CHEK1: variants seen among roughly 807,000 people sequenced by gnomAD.
CHEK1 encodes serine/threonine-protein kinase Chk1.
Under a neutral mutation model 60.2 loss-of-function variants are expected in CHEK1, and 32 were observed. The ratio of observed to expected loss-of-function variants is 0.53; its 90% confidence interval spans 0.40 to 0.71. The LOEUF is 0.71. CHEK1 is among the 30% of genes least tolerant of loss of function. CHEK1 has a pLI of 0.00. For synonymous variants in CHEK1, 179 were observed against 187.2 expected (o/e 0.96, Z 0.36); for missense variants, 399 against 564.6 (o/e 0.71, Z 2.97).
At chr11:125,679,884 A>G (rs1942715796), downstream of CHEK1, among the ~76,000 whole-genome samples, 1 of 152,228 alleles carries the variant, frequency 6.6e-6, no homozygotes, top group South Asian at 2.1e-4. Context: ...TATTTTTTAA[A>G]CTTATTACAT....
intron 8 of CHEK1, among the ~76,000 whole-genome samples, chr11:125,639,613 CCCCCTG>C (rs1941207208): frequency 6.6e-6 from 1 of 152,008 alleles, no homozygotes; most frequent in Non-Finnish European, 1.5e-5. Context: ...CTCAAGTGAT[CCCCCTG>C]CCTCAGCCTC....
At chr11:125,662,597 TGTG>T (rs770903257) in intron 13 of CHEK1, among the ~76,000 whole-genome samples, 5 of 152,384 alleles carry the variant, frequency 3.3e-5, no homozygotes, top group Admixed American at 6.5e-5. Flanking sequence ...TTTATTGCTA[TGTG>T]GTATCCACGG....
rs953527278 is a variant in CHEK1 at position 125,675,050 on chromosome 11, C to T, written c.*28-878C>T. On this transcript the variant is annotated intron_variant, in intron 13 of 13. Coordinates refer to the CHEK1 transcript ENST00000428830. ...TATCTCTTTAATCTTGACTGCACAT[C>T]GGAATTGTCTAGGAGCCTTTAAAAA... 1.2e-4 allele frequency among the ~76,000 whole-genome samples: 18 copies of T among 152,318 alleles called. No homozygotes were observed. The East Asian group carries it at 2.9e-3, about 25-fold the overall frequency.
chr11:125,631,570 C>T (rs566696955), intron 5 of CHEK1, among the ~76,000 whole-genome samples: 1 of 151,988 alleles, frequency 6.6e-6, no homozygotes, highest in African/African-American at 2.4e-5. Flanking sequence ...TATTTAACTA[C>T]TGAAAAGATA....
chr11:125,639,499 C>T (rs1941201654), intron 8 of CHEK1, among the ~76,000 whole-genome samples: 1 of 150,586 alleles, frequency 6.6e-6, no homozygotes, highest in South Asian at 2.1e-4. Flanking sequence ...GCCTTAGCCA[C>T]CCGAGTAGCT....
At chr11:125,640,956 A>C (rs1388426186) in intron 8 of CHEK1, among the ~76,000 whole-genome samples, 1 of 152,076 alleles carries the variant, frequency 6.6e-6, no homozygotes, top group Non-Finnish European at 1.5e-5. Flanking sequence ...TGCTGTTCTG[A>C]GTAGCATAAT....
downstream of CHEK1, among the ~76,000 whole-genome samples, chr11:125,659,067 A>AT (rs373233550): frequency 4.4e-4 from 67 of 151,814 alleles, no homozygotes; most frequent in African/African-American, 1.5e-3. Context: ...ATTAGGTTTC[A>AT]TTTTTTTCCT....
chr11:125,671,607 C>A (rs1271060008), intron 13 of CHEK1: 1 of 152,096 alleles, frequency 6.6e-6, no homozygotes, highest in African/African-American at 2.4e-5. Flanking sequence ...TTCTTAGAAC[C>A]ATTCTGGCTA....
intron 8 of CHEK1, among the ~76,000 whole-genome samples, chr11:125,642,080 C>CT (rs1456079290): frequency 6.6e-6 from 1 of 152,168 alleles, no homozygotes; most frequent in East Asian, 1.9e-4. Context: ...TTCTACCTCA[C>CT]TGTTTTTGTA....
At chr11:125,646,654 T>G (rs1009019814) in intron 11 of CHEK1, among the ~76,000 whole-genome samples, 2 of 152,208 alleles carry the variant, frequency 1.3e-5, no homozygotes, top group African/African-American at 4.8e-5. Flanking sequence ...CCCTTTTTGC[T>G]ATGGCCATCC....
intron 13 of CHEK1, among the ~76,000 whole-genome samples, chr11:125,664,512 G>A (rs951262841): frequency 6.6e-6 from 1 of 152,076 alleles, no homozygotes; most frequent in African/African-American, 2.4e-5. Context: ...TGGGATTACA[G>A]GTGTGAGCCA....
intron 7 of CHEK1, among the ~76,000 whole-genome samples, chr11:125,636,695 T>C (rs1941086809): frequency 6.6e-6 from 1 of 151,920 alleles, no homozygotes; most frequent in South Asian, 2.1e-4. Context: ...TTGTCAAGGA[T>C]ATTGTTTTTC....
chr11:125,660,923 G>T (rs1942001475), downstream of CHEK1, among the ~76,000 whole-genome samples: 1 of 151,942 alleles, frequency 6.6e-6, no homozygotes, highest in African/African-American at 2.4e-5. Context: ...TTACAGGCAT[G>T]CGCCACTACG....
intron 11 of CHEK1, among the ~76,000 whole-genome samples, chr11:125,650,815 C>T (rs1336412065): frequency 1.4e-5 from 2 of 142,612 alleles, no homozygotes; most frequent in Non-Finnish European, 3.1e-5. Flanking sequence ...TTTTAGTGGT[C>T]AGCTAATGAT....
At position 125,625,832 on chromosome 11, in the gene CHEK1, C is replaced by G. The variant is rs1311238624; in HGVS notation, c.-201C>G. 7.1e-6 allele frequency: 5 copies of G among 702,488 alleles called. No homozygotes were observed. Among genetic ancestry groups the G allele is most frequent in the South Asian group, 1.5e-5 (1 of 67,606 alleles). 43.5% of individuals were successfully genotyped at this position (702,488 alleles called of 1,614,324 possible). On this transcript the variant is annotated 5_prime_UTR_variant, in exon 1 of 13. Transcript: ENST00000438015. Reference sequence around the variant, plus strand: ...ACTGCAAAGCAGCCCTGGGCGGGAGCGGCAACATCTCCACGTCACCCTTTT... The same window carrying G: ...ACTGCAAAGCAGCCCTGGGCGGGAGGGGCAACATCTCCACGTCACCCTTTT...
chr11:125,657,218 T>TGTGTG (rs1555075078), downstream of CHEK1: 1 of 160,644 alleles, frequency 6.2e-6, no homozygotes, highest in African/African-American at 2.4e-5. Context: ...TGTGTGTGTG[T>TGTGTG]AATGTGTACA....
At chr11:125,677,968 G>C (rs755309316), downstream of CHEK1, 6 of 1,612,402 alleles carry the variant, frequency 3.7e-6, no homozygotes, top group Admixed American at 3.3e-5. Context: ...CTCAAAGGCT[G>C]TTCTCCGGAG....
chr11:125,636,730 TC>T (rs918969245), intron 7 of CHEK1, among the ~76,000 whole-genome samples: 13 of 152,042 alleles, frequency 8.6e-5, no homozygotes, highest in Admixed American at 2.6e-4. Context: ...CTTTTTTTTT[TC>T]CTTGATAACA....
Position 125,625,443 on chromosome 11 carries a change from C to T in CHEK1, c.-590C>T. The T allele has an allele frequency of 3.1e-6, 1 of 318,266 alleles. No individual in the cohort carries two copies. The highest frequency in any genetic ancestry group is 5.8e-6 in the Non-Finnish European group (1 of 171,786). The allele number at this position is 318,266 out of a possible 1,614,324, so 19.7% of individuals were successfully genotyped here. On this transcript the variant is annotated 5_prime_UTR_variant, in exon 1 of 13. Transcript: ENST00000438015. ...GGAGTTCCTCCCATTTCTTCACAGT[C>T]GGCTCTCAGCAGCTGCTGCTGGTTT...
Sources: allele counts gnomAD v4.1 joint callset (sites outside exome capture counted in the v4.1 genomes callset), GRCh38; gene constraint gnomAD v4.1.1; transcripts MANE v1.5; gene names NCBI Gene and HGNC (gene_info 2026-07-23, HGNC 2026-07-21).